KCNQ5: variants seen among roughly 807,000 people sequenced by gnomAD.
The protein encoded by KCNQ5 is potassium voltage-gated channel subfamily Q member 5.
KCNQ5 carries 30 observed loss-of-function variants against 98.2 expected under a neutral mutation model. That is an observed-to-expected ratio of 0.31 (90% CI 0.23 to 0.41). KCNQ5 has a LOEUF of 0.41. Among genes scored for constraint, KCNQ5 ranks in the 10% least tolerant of loss-of-function variants. The pLI, the probability that KCNQ5 is intolerant of heterozygous loss-of-function variation, is 1.00. For synonymous variants in KCNQ5, 458 were observed against 449.4 expected (o/e 1.02, Z -0.24); for missense variants, 835 against 1,182.5 (o/e 0.71, Z 4.31).
chr6:73,152,005 C>T (rs1362384896), intron 10 of KCNQ5, among the ~76,000 whole-genome samples: 1 of 152,188 alleles, frequency 6.6e-6, no homozygotes, highest in Non-Finnish European at 1.5e-5. Context: ...AATTTTCCTT[C>T]CCTGTCACCC....
chr6:73,186,144 G>C (rs1284441017), intron 11 of KCNQ5, among the ~76,000 whole-genome samples: 8 of 151,954 alleles, frequency 5.3e-5, no homozygotes, highest in African/African-American at 1.9e-4. Context: ...GGGAGGATTG[G>C]CAGATCTGGG....
At chr6:72,903,420 T>G (rs1779583782) in intron 1 of KCNQ5, among the ~76,000 whole-genome samples, 1 of 152,222 alleles carries the variant, frequency 6.6e-6, no homozygotes, top group South Asian at 2.1e-4. Context: ...GGTGTGACGT[T>G]AGATTGTCAG....
At chr6:72,759,628 C>T (rs1772151190) in intron 1 of KCNQ5, among the ~76,000 whole-genome samples, 1 of 151,876 alleles carries the variant, frequency 6.6e-6, no homozygotes, top group Non-Finnish European at 1.5e-5. Context: ...CAGGTTGTGC[C>T]CCTTTCTTCT....
At chr6:72,940,163 C>T (rs1354627409) in intron 1 of KCNQ5, among the ~76,000 whole-genome samples, 2 of 152,136 alleles carry the variant, frequency 1.3e-5, no homozygotes, top group African/African-American at 4.8e-5. Context: ...AAATTCAGCC[C>T]TTTATTTCCC....
intron 5 of KCNQ5, among the ~76,000 whole-genome samples, chr6:73,087,527 A>G (rs35618610): frequency 0.07 from 10,649 of 152,256 alleles, 1,070 homozygotes; most frequent in African/African-American, 0.22. Flanking sequence ...TGGCCTAGAG[A>G]TATAAATTTG....
intron 1 of KCNQ5, among the ~76,000 whole-genome samples, chr6:72,720,005 G>A (rs1262286814): frequency 6.6e-6 from 1 of 152,226 alleles, no homozygotes; most frequent in African/African-American, 2.4e-5. Context: ...TGGGGACTCA[G>A]CAAACATTTG....
chr6:73,118,433 A>G (rs1338397955), intron 7 of KCNQ5, among the ~76,000 whole-genome samples: 1 of 151,824 alleles, frequency 6.6e-6, no homozygotes, highest in Non-Finnish European at 1.5e-5. Flanking sequence ...TGGAATTTCC[A>G]GCTTTAGTTT....
intron 3 of KCNQ5, among the ~76,000 whole-genome samples, chr6:73,064,363 G>T (rs188734516): frequency 1.3e-5 from 2 of 152,248 alleles, no homozygotes; most frequent in East Asian, 1.9e-4. Context: ...TTGTAGTTTT[G>T]CTCTGTAAAT....
At chr6:72,660,973 G>A (rs981202787) in intron 1 of KCNQ5, among the ~76,000 whole-genome samples, 6 of 151,964 alleles carry the variant, frequency 3.9e-5, no homozygotes, top group East Asian at 1.9e-4. Context: ...TAGAGGTCTC[G>A]TGTGTAGGTG....
chr6:72,922,810 C>CTTTTTCTTTTTTTTTTTTTTTTTTT (rs1554186016), intron 1 of KCNQ5, among the ~76,000 whole-genome samples: 34 of 103,836 alleles, frequency 3.3e-4, no homozygotes, highest in Non-Finnish European at 4.4e-4. Flanking sequence ...TTTTCTTTTT[C>CTTTTTCTTTTTTTTTTTTTTTTTTT]TTTTTTTTTT....
At chr6:73,005,894 A>G (rs1562123105) in intron 2 of KCNQ5, among the ~76,000 whole-genome samples, 1 of 152,216 alleles carries the variant, frequency 6.6e-6, no homozygotes, top group Admixed American at 6.5e-5. Context: ...TTGTCAAAGT[A>G]TATTCTCAAA....
intron 10 of KCNQ5, among the ~76,000 whole-genome samples, chr6:73,153,803 T>A (rs1777244830): frequency 1.3e-5 from 2 of 151,938 alleles, no homozygotes; most frequent in Non-Finnish European, 2.9e-5. Flanking sequence ...ATGTCAAGAA[T>A]GTCATAATAC....
At chr6:72,916,199 A>G (rs1780128898) in intron 1 of KCNQ5, among the ~76,000 whole-genome samples, 1 of 152,164 alleles carries the variant, frequency 6.6e-6, no homozygotes, top group South Asian at 2.1e-4. Flanking sequence ...TTCTCATTTT[A>G]TGTCTTTTTC....
intron 1 of KCNQ5, among the ~76,000 whole-genome samples, chr6:72,700,125 A>G (rs1055204239): frequency 6.6e-6 from 1 of 152,186 alleles, no homozygotes; most frequent in South Asian, 2.1e-4. Context: ...ATGTTTTGTC[A>G]TGTTATTATT....
chr6:72,779,670 G>A (rs937013803), intron 1 of KCNQ5, among the ~76,000 whole-genome samples: 2 of 152,022 alleles, frequency 1.3e-5, no homozygotes, highest in African/African-American at 2.4e-5. Flanking sequence ...TTTCAGACGA[G>A]GTGTGATTCT....
intron 1 of KCNQ5, among the ~76,000 whole-genome samples, chr6:72,909,161 T>G (rs1779819016): frequency 1.3e-5 from 2 of 152,138 alleles, no homozygotes; most frequent in Non-Finnish European, 2.9e-5. Flanking sequence ...TTATTTCACT[T>G]GAAAGAAAAA....
rs183419323 is a variant in KCNQ5, at chr6:72,792,108, G to C, written c.398+169521G>C. ...ATTTGAGCTTCATTTCATAGCCATGGTGGCAAATCAAATTGTTAAATATAT... is the reference window on the plus strand; with the variant it reads ...ATTTGAGCTTCATTTCATAGCCATGCTGGCAAATCAAATTGTTAAATATAT... On this transcript the variant is annotated intron_variant, in intron 1 of 13. Coordinates refer to ENST00000370398, the MANE Select transcript of KCNQ5 (RefSeq NM_019842.4). Among the ~76,000 whole-genome samples the C allele has an allele frequency of 3.6e-4, 55 of 152,254 alleles. 1 individual carries two copies. Among genetic ancestry groups the C allele is most frequent in the Non-Finnish European group, 5.1e-4 (35 of 68,016 alleles).
At chr6:72,907,477 T>C (rs1779750353) in intron 1 of KCNQ5, among the ~76,000 whole-genome samples, 1 of 152,160 alleles carries the variant, frequency 6.6e-6, no homozygotes, top group Non-Finnish European at 1.5e-5. Context: ...GACTTCACAT[T>C]ATTTTCTCTT....
chr6:72,882,631 T>C (rs6909572), intron 1 of KCNQ5, among the ~76,000 whole-genome samples: 3 of 152,084 alleles, frequency 2.0e-5, no homozygotes, highest in South Asian at 4.1e-4. Flanking sequence ...CCTTTTACTT[T>C]GCTTTTCTTT....
Sources: gnomAD v4.1 joint callset for allele counts (sites outside exome capture counted in the v4.1 genomes callset) on GRCh38, gnomAD v4.1.1 for gene constraint, MANE v1.5 for transcripts, NCBI Gene and HGNC (gene_info 2026-07-23, HGNC 2026-07-21) for gene names.